The following RAD50 variants were observed in gnomAD, a reference collection of about 807,000 sequenced individuals.
The protein encoded by RAD50 is RAD50 double strand break repair protein.
In RAD50, 132 loss-of-function variants were observed where a neutral mutation model predicts 168.8. That is an observed-to-expected ratio of 0.78 (90% CI 0.68 to 0.90). RAD50 has a LOEUF of 0.90. RAD50 is among the 40% of genes least tolerant of loss of function. The pLI is 0.00. For synonymous variants in RAD50, 525 were observed against 497.4 expected, an observed-to-expected ratio of 1.06 and a Z score of -0.74; for missense variants, 1,347 against 1,534.4, an observed-to-expected ratio of 0.88 and a Z score of 2.04.
intron 2 of RAD50, 150 bp from the exon 3 acceptor site, chr5:132,575,627 T>G (rs550023931): frequency 2.8e-6 from 2 of 719,770 alleles, no homozygotes; most frequent in Admixed American, 2.3e-5. Flanking sequence ...TATTCTTCTA[T>G]ATTTTGGATA....
At chr5:132,619,041 T>C (rs1485751422) in intron 21 of RAD50, among the ~76,000 whole-genome samples, 1 of 152,252 alleles carries the variant, frequency 6.6e-6, no homozygotes, top group African/African-American at 2.4e-5. Flanking sequence ...GGATTTGCTT[T>C]TGTTTATCCA....
intron 21 of RAD50, among the ~76,000 whole-genome samples, chr5:132,619,032 G>T (rs2149854279): frequency 6.6e-6 from 1 of 152,018 alleles, no homozygotes; most frequent in Non-Finnish European, 1.5e-5. Context: ...TTTTTATTTG[G>T]ATTTGCTTTT....
chr5:132,634,810 T>A (rs1423158215), intron 21 of RAD50, among the ~76,000 whole-genome samples: 1 of 152,186 alleles, frequency 6.6e-6, no homozygotes, highest in East Asian at 1.9e-4. Context: ...TATTGAAAAA[T>A]TATTTTTTTC....
At chr5:132,603,192 G>C (rs1750917794) in intron 13 of RAD50, 108 bp from the exon 14 acceptor site, 4 of 1,028,268 alleles carry the variant, frequency 3.9e-6, no homozygotes, top group Middle Eastern at 3.1e-4. Flanking sequence ...ATGATACCCT[G>C]AAAAGAACAC....
At chr5:132,566,913 A>G (rs554262329) in intron 2 of RAD50, among the ~76,000 whole-genome samples, 12 of 152,204 alleles carry the variant, frequency 7.9e-5, no homozygotes, top group East Asian at 7.7e-4. Context: ...CCTTTAGACT[A>G]CCTTCCCTGA....
rs1751845681 is a variant in RAD50, at chr5:132,646,129, A to G, written c.*3765A>G. ...AAAAAAAAAAGCAGCAGCAGCTGAA[A>G]GTTGGCAGGAGCACACTGGCAGTTC... On this transcript the variant is annotated 3_prime_UTR_variant, in exon 25 of 25. Transcript: ENST00000378823. 1 of 150,780 alleles carries G rather than the reference A, an allele frequency of 6.6e-6. No individual in the cohort carries two copies. Among genetic ancestry groups the G allele is most frequent in the Non-Finnish European group, 1.5e-5 (1 of 67,850 alleles). 9.3% of individuals were successfully genotyped at this position (150,780 alleles called of 1,614,324 possible).
intron 21 of RAD50, among the ~76,000 whole-genome samples, chr5:132,622,125 C>T (rs1039877416): frequency 2.6e-5 from 4 of 151,456 alleles, no homozygotes; most frequent in Middle Eastern, 3.2e-3. Context: ...TCTATAAGTT[C>T]TATTTTGTTC....
At position 132,603,424 on chromosome 5, in the gene RAD50, A is replaced by AG. The variant is rs1750923691; in HGVS notation, c.2332_2333insG (p.Ile778SerfsTer4). On this transcript the variant is annotated frameshift_variant, in exon 14 of 25. Transcript: ENST00000378823. LOFTEE classifies it high-confidence loss of function. The stretch of plus-strand genomic sequence containing the variant: ...AGAACAAGAAACACTCTTGGGTACA[A>AG]TAATGCCTGAAGAAGAAAGTGCCAA... 6.2e-7 allele frequency: 1 copy of AG among 1,613,902 alleles called. No individual in the cohort carries two copies. The highest frequency in any genetic ancestry group is 1.3e-5 in the African/African-American group (1 of 74,940).
intron 21 of RAD50, among the ~76,000 whole-genome samples, chr5:132,636,076 TC>T (rs1208774014): frequency 6.6e-6 from 1 of 152,254 alleles, no homozygotes; most frequent in Non-Finnish European, 1.5e-5. Context: ...ATATTCAGTT[TC>T]TTTTTTTGTA....
chr5:132,588,189 A>G, intron 7 of RAD50, 100 bp downstream of exon 7: 1 of 1,368,024 alleles, frequency 7.3e-7, no homozygotes, highest in South Asian at 1.2e-5. Context: ...GTGAAAAGCC[A>G]ATCTTAAAAG....
intron 5 of RAD50, among the ~76,000 whole-genome samples, chr5:132,582,356 C>T (rs1750518508): frequency 1.3e-5 from 2 of 152,208 alleles, no homozygotes; most frequent in South Asian, 4.1e-4. Context: ...GTGCCTGGCA[C>T]ATAGCAGGTG....
rs1750637284 is a variant in RAD50, at chr5:132,588,535, A to G, written c.1052-152A>G. On this transcript the variant is annotated intron_variant, in intron 7 of 24. Transcript: ENST00000378823. ...ATCAGTATTCTGGTTGTGATATTTT[A>G]CTGCAGTTTTGCAAAATGTTATCAT... The G allele has an allele frequency of 2.0e-5, 14 of 702,076 alleles. No homozygotes were observed. The East Asian group carries it at 3.8e-4, about 19-fold the overall frequency. 43.5% of individuals were successfully genotyped at this position (702,076 alleles called of 1,614,324 possible).
intron 21 of RAD50, among the ~76,000 whole-genome samples, chr5:132,620,062 G>A (rs963041468): frequency 6.6e-6 from 1 of 151,276 alleles, no homozygotes; most frequent in Non-Finnish European, 1.5e-5. Flanking sequence ...CCGCCACTAC[G>A]CCCGGCTAAT....
In RAD50 at chr5:132,618,050, G is replaced by A. The variant is rs778483042; in HGVS notation, c.3165-20G>A. 6.3e-7 allele frequency: 1 copy of A among 1,599,106 alleles called. No individual in the cohort carries two copies. The highest frequency in any genetic ancestry group is 1.1e-5 in the South Asian group (1 of 90,608). On this transcript the variant is annotated intron_variant, in intron 20 of 24. Transcript: ENST00000378823. Reference sequence around the variant, plus strand: ...AAAAGCTAAAAAATGGTCCTCATTTGTCATTTTTCTTTTTTACAGTGAACA... The same window carrying A: ...AAAAGCTAAAAAATGGTCCTCATTTATCATTTTTCTTTTTTACAGTGAACA...
At chr5:132,641,082 T>A (rs1309310743) in intron 24 of RAD50, among the ~76,000 whole-genome samples, 1 of 151,956 alleles carries the variant, frequency 6.6e-6, no homozygotes, top group Non-Finnish European at 1.5e-5. Context: ...CTGTGAGGGG[T>A]TCCTGGCCTG....
chr5:132,587,158 A>G (rs1750607730), intron 5 of RAD50, among the ~76,000 whole-genome samples: 1 of 152,196 alleles, frequency 6.6e-6, no homozygotes, highest in African/African-American at 2.4e-5. Context: ...AAATTTGCCT[A>G]TAGGCTCAGA....
At position 132,609,353 on chromosome 5, in the gene RAD50, A is replaced by C; in HGVS notation, c.2993A>C (p.Asn998Thr). ...SECEKHKEKI[N>T]EDMRLMRQDI... is the part of the protein sequence containing the mutation. ...TGCGAGAAACACAAAGAAAAGATAA[A>C]TGAAGATATGAGACTCATGAGACAA... Residue 998 changes from asparagine to threonine, a missense_variant, in exon 19 of 25, where the codon AAT becomes ACT. This residue lies in a region of RAD50 where 635 missense variants were observed against 739.2 expected (regional missense o/e 0.86). Coordinates refer to ENST00000378823, the MANE Select transcript of RAD50 (RefSeq NM_005732.4). 6.2e-7 allele frequency: 1 copy of C among 1,613,880 alleles called. No homozygotes were observed. Among genetic ancestry groups the C allele is most frequent in the Non-Finnish European group, 8.5e-7 (1 of 1,179,878 alleles).
intron 5 of RAD50, among the ~76,000 whole-genome samples, 171 bp from the exon 6 acceptor site, chr5:132,587,391 C>G (rs1002569674): frequency 6.6e-6 from 1 of 152,148 alleles, no homozygotes. Flanking sequence ...GGCCAAGTTA[C>G]TTAATGTCTC....
intron 11 of RAD50, 73 bp from the exon 12 acceptor site, chr5:132,594,796 T>G: frequency 7.0e-7 from 1 of 1,437,826 alleles, no homozygotes; most frequent in Non-Finnish European, 9.7e-7. Flanking sequence ...ATTTGTCTTG[T>G]TTTTGCCTAC....
Sources: allele counts gnomAD v4.1 joint callset (sites outside exome capture counted in the v4.1 genomes callset), GRCh38; gene constraint gnomAD v4.1.1; regional missense constraint gnomAD v4.1.1; transcripts MANE v1.5; gene names NCBI Gene and HGNC (gene_info 2026-07-23, HGNC 2026-07-21).